The following RANBP17 variants were observed in gnomAD, a reference collection of about 807,000 sequenced individuals.
The protein encoded by RANBP17 is ran-binding protein 17.
A neutral mutation model predicts 141.2 loss-of-function variants in RANBP17; 158 were observed. The observed-to-expected ratio is 1.12, with a 90% CI of 0.98 to 1.28. RANBP17 has a LOEUF of 1.28. Among genes scored for constraint, RANBP17 ranks in the 50% most tolerant of loss-of-function variants. The pLI, the probability that RANBP17 is intolerant of heterozygous loss-of-function variation, is 0.00. For missense variants in RANBP17, 1,438 were observed against 1,290.7 expected (o/e 1.11, Z -1.75); for synonymous variants, 430 against 450.0 (o/e 0.96, Z 0.56).
chr5:171,044,721 T>G (rs1361434227), intron 14 of RANBP17, among the ~76,000 whole-genome samples: 2 of 152,122 alleles, frequency 1.3e-5, no homozygotes, highest in African/African-American at 4.8e-5. Context: ...TGGCTAAAGT[T>G]TCCCTCAAAT....
At chr5:171,172,323 C>A (rs2053682) in intron 16 of RANBP17, among the ~76,000 whole-genome samples, 102,794 of 151,436 alleles carry the variant, frequency 0.68, 35,049 homozygotes, top group South Asian at 0.84. Context: ...TGCAATAAAG[C>A]CAGGGAGGGC....
intron 14 of RANBP17, among the ~76,000 whole-genome samples, chr5:171,110,350 T>A (rs1476913000): frequency 6.6e-6 from 1 of 152,190 alleles, no homozygotes; most frequent in African/African-American, 2.4e-5. Context: ...CATAATGCTG[T>A]GAGTGCTGTA....
chr5:171,161,169 C>T (rs1156371406), intron 14 of RANBP17, among the ~76,000 whole-genome samples: 2 of 152,156 alleles, frequency 1.3e-5, no homozygotes. Context: ...TAACTGGTTT[C>T]TGGAATTATC....
intron 14 of RANBP17, among the ~76,000 whole-genome samples, chr5:170,973,330 A>G (rs1777122596): frequency 6.6e-6 from 1 of 152,210 alleles, no homozygotes; most frequent in Non-Finnish European, 1.5e-5. Context: ...TCATGCAAAA[A>G]TCAATTTCTA....
chr5:171,225,067 A>G (rs1334989898), intron 22 of RANBP17, among the ~76,000 whole-genome samples: 1 of 152,214 alleles, frequency 6.6e-6, no homozygotes, highest in Non-Finnish European at 1.5e-5. Flanking sequence ...TTGTGAAGAA[A>G]TTGAAGCTCA....
chr5:170,938,812 GGAAT>G (rs1193408380), intron 12 of RANBP17, among the ~76,000 whole-genome samples: 4 of 152,128 alleles, frequency 2.6e-5, no homozygotes, highest in Non-Finnish European at 4.4e-5. Context: ...GTTAAAGGAT[GGAAT>G]GAGGTCAGGT....
chr5:170,944,216 G>C (rs1268481380), intron 12 of RANBP17, among the ~76,000 whole-genome samples: 2 of 152,306 alleles, frequency 1.3e-5, no homozygotes, highest in East Asian at 1.9e-4. Context: ...TAACGTTTAT[G>C]AGAAATACTG....
At chr5:171,150,025 C>A (rs932200396) in intron 14 of RANBP17, among the ~76,000 whole-genome samples, 2 of 152,250 alleles carry the variant, frequency 1.3e-5, no homozygotes, top group Non-Finnish European at 2.9e-5. Flanking sequence ...GGCAAACTGG[C>A]AAATGCTTCT....
At chr5:171,256,819 A>C (rs1343826849) in intron 24 of RANBP17, among the ~76,000 whole-genome samples, 1 of 152,152 alleles carries the variant, frequency 6.6e-6, no homozygotes, top group Admixed American at 6.5e-5. Context: ...AAAATGGATA[A>C]GTTCCTGGAA....
At chr5:170,896,758 A>T (rs1313830715) in intron 5 of RANBP17, among the ~76,000 whole-genome samples, 1 of 152,196 alleles carries the variant, frequency 6.6e-6, no homozygotes, top group African/African-American at 2.4e-5. Flanking sequence ...TGAACCCGGG[A>T]GGCAGAGATT....
intron 14 of RANBP17, among the ~76,000 whole-genome samples, chr5:171,012,249 A>C (rs1407299731): frequency 1.3e-5 from 2 of 152,084 alleles, no homozygotes; most frequent in Admixed American, 6.6e-5. Flanking sequence ...AGGCAAAATG[A>C]CGGAAACAGC....
At position 171,121,719 on chromosome 5, in the gene RANBP17, G is replaced by GT. The variant is rs1756047573; in HGVS notation, c.1711-48411_1711-48410insT. Reference sequence around the variant, plus strand: ...AGAGTCACTGCCACTCCTGGGACCAGGCTCCATGCAACTAGGTTTGTGGTG... The same window carrying GT: ...AGAGTCACTGCCACTCCTGGGACCAGTGCTCCATGCAACTAGGTTTGTGGTG... On this transcript the variant is annotated intron_variant, in intron 14 of 27. Transcript: ENST00000523189. 2.0e-5 allele frequency among the ~76,000 whole-genome samples: 3 copies of GT among 152,272 alleles called. No individual in the cohort carries two copies. The East Asian group carries it at 5.8e-4, about 29-fold the overall frequency.
At chr5:170,985,006 C>G (rs1778031530) in intron 14 of RANBP17, among the ~76,000 whole-genome samples, 1 of 150,630 alleles carries the variant, frequency 6.6e-6, no homozygotes. Flanking sequence ...CACAGACACA[C>G]AGACACATAC....
At chr5:171,102,994 G>A (rs1787280086) in intron 14 of RANBP17, among the ~76,000 whole-genome samples, 1 of 152,294 alleles carries the variant, frequency 6.6e-6, no homozygotes, top group South Asian at 2.1e-4. Flanking sequence ...AGGGGTACCG[G>A]CCAGATGCGA....
chr5:170,911,492 T>TTTAA, intron 7 of RANBP17: 3 of 704,652 alleles, frequency 4.3e-6, no homozygotes, highest in Non-Finnish European at 8.1e-6. Flanking sequence ...TGGTCAAACC[T>TTTAA]TTAAATCTTC....
chr5:171,007,268 G>C (rs1332304217), intron 14 of RANBP17, among the ~76,000 whole-genome samples: 1 of 152,174 alleles, frequency 6.6e-6, no homozygotes, highest in African/African-American at 2.4e-5. Context: ...TACCCTGACT[G>C]TTCCTTCAGC....
At chr5:170,956,354 A>G (rs1775692756) in intron 13 of RANBP17, among the ~76,000 whole-genome samples, 1 of 151,402 alleles carries the variant, frequency 6.6e-6, no homozygotes, top group African/African-American at 2.5e-5. Flanking sequence ...GTACTTTTGG[A>G]TAAAAAATTT....
At chr5:171,171,324 C>T (rs2127884739) in intron 16 of RANBP17, 38 bp downstream of exon 16, 1 of 1,188,362 alleles carries the variant, frequency 8.4e-7, no homozygotes, top group Middle Eastern at 2.0e-4. Context: ...TATGTGTAAA[C>T]AACCTAGCAG....
At chr5:170,935,558 G>C (rs1425840592) in intron 12 of RANBP17, among the ~76,000 whole-genome samples, 1 of 152,164 alleles carries the variant, frequency 6.6e-6, no homozygotes, top group Non-Finnish European at 1.5e-5. Context: ...AGGTCTGTTG[G>C]AGTTTGCTGG....
Sources: gnomAD v4.1 joint callset for allele counts (sites outside exome capture counted in the v4.1 genomes callset) on GRCh38, gnomAD v4.1.1 for gene constraint, MANE v1.5 for transcripts, NCBI Gene and HGNC (gene_info 2026-07-23, HGNC 2026-07-21) for gene names.